The following KCNK13 variants were observed in gnomAD, a reference collection of about 807,000 sequenced individuals.
KCNK13 encodes the protein potassium channel subfamily K member 13.
A neutral mutation model predicts 23.4 loss-of-function variants in KCNK13; 12 were observed. The observed-to-expected ratio is 0.51, with a 90% CI of 0.33 to 0.83. KCNK13 has a LOEUF of 0.83. KCNK13 is among the 40% of genes least tolerant of loss of function. The pLI is 0.02. For synonymous variants in KCNK13, 231 were observed against 229.5 expected, an observed-to-expected ratio of 1.01 and a Z score of -0.06; for missense variants, 463 against 556.3, an observed-to-expected ratio of 0.83 and a Z score of 1.69.
At chr14:90,107,495 T>C (rs1889560428) in intron 1 of KCNK13, among the ~76,000 whole-genome samples, 1 of 152,180 alleles carries the variant, frequency 6.6e-6, no homozygotes, top group African/African-American at 2.4e-5. Flanking sequence ...TATATATATA[T>C]ACATGTTGAG....
intron 1 of KCNK13, among the ~76,000 whole-genome samples, chr14:90,076,443 G>T (rs939146829): frequency 6.6e-6 from 1 of 152,184 alleles, no homozygotes. Context: ...GAGGTAAAAG[G>T]TGTGTGCCAG....
At chr14:90,064,661 C>T (rs1000270055) in intron 1 of KCNK13, among the ~76,000 whole-genome samples, 1 of 152,200 alleles carries the variant, frequency 6.6e-6, no homozygotes, top group Non-Finnish European at 1.5e-5. Flanking sequence ...GCCCCCTGCT[C>T]CCTCCGTCTG....
chr14:90,138,281 A>G (rs1426425057), intron 1 of KCNK13, among the ~76,000 whole-genome samples: 1 of 152,226 alleles, frequency 6.6e-6, no homozygotes, highest in Non-Finnish European at 1.5e-5. Flanking sequence ...TACTCCCCCA[A>G]AATAACTACT....
chr14:90,184,766 CG>C lies in KCNK13; in HGVS notation c.994del (p.Val332TrpfsTer15). On this transcript the variant is annotated frameshift_variant, in exon 2 of 2. Transcript: ENST00000282146. LOFTEE classifies it high-confidence loss of function. The surrounding 1 kb of genome is among the most constrained non-coding windows in gnomAD (Gnocchi z 5.6). ...GCTGCAACATCTCCATAGAGACAGACGGGGTGGCAGAGAGTGACACGGACGG... is the reference window on the plus strand; with the variant it reads ...GCTGCAACATCTCCATAGAGACAGACGGGTGGCAGAGAGTGACACGGACGG... ...NRCNISIETDGVAESDTDGRR... is the reference protein window; with the variant it reads ...NRCNISIETDXVAESDTDGRR... 6.2e-7 allele frequency: 1 copy of C among 1,613,608 alleles called. No homozygotes were observed. The highest frequency in any genetic ancestry group is 8.5e-7 in the Non-Finnish European group (1 of 1,179,578).
At chr14:90,098,527 C>T (rs760611465) in intron 1 of KCNK13, among the ~76,000 whole-genome samples, 3 of 150,900 alleles carry the variant, frequency 2.0e-5, no homozygotes, top group Non-Finnish European at 4.4e-5. Flanking sequence ...GGCGGATCAC[C>T]TGAGGTCAGC....
intron 1 of KCNK13, among the ~76,000 whole-genome samples, chr14:90,112,184 G>T (rs1163663547): frequency 6.6e-6 from 1 of 152,164 alleles, no homozygotes; most frequent in Non-Finnish European, 1.5e-5. Flanking sequence ...ACCGTCCTGC[G>T]TATCTCTAGC....
intron 1 of KCNK13, among the ~76,000 whole-genome samples, chr14:90,166,744 A>G (rs1272293095): frequency 6.6e-6 from 1 of 151,786 alleles, no homozygotes; most frequent in African/African-American, 2.4e-5. Flanking sequence ...TTATTTGGGT[A>G]GACTGTGGGT....
intron 1 of KCNK13, among the ~76,000 whole-genome samples, chr14:90,176,701 T>A (rs896632956): frequency 4.6e-5 from 7 of 152,254 alleles, no homozygotes; most frequent in Admixed American, 3.3e-4. Context: ...GAAAACCTGC[T>A]GAGAAACATA....
intron 1 of KCNK13, among the ~76,000 whole-genome samples, chr14:90,083,839 T>G (rs1274414291): frequency 6.6e-6 from 1 of 152,258 alleles, no homozygotes; most frequent in African/African-American, 2.4e-5. Context: ...TTAATTCTTT[T>G]GCATGTGGAT....
intron 1 of KCNK13, among the ~76,000 whole-genome samples, chr14:90,156,156 G>A (rs1364530629): frequency 1.4e-5 from 2 of 148,078 alleles, no homozygotes; most frequent in Non-Finnish European, 3.0e-5. Flanking sequence ...AGTGAGCCAC[G>A]TTCGTGCCAC....
intron 1 of KCNK13, among the ~76,000 whole-genome samples, chr14:90,070,256 A>G (rs1469814333): frequency 1.3e-5 from 2 of 152,228 alleles, no homozygotes; most frequent in African/African-American, 4.8e-5. Context: ...ATTGCTTTCT[A>G]TATAACCATT....
intron 1 of KCNK13, among the ~76,000 whole-genome samples, chr14:90,174,870 TA>T (rs1481816987): frequency 6.6e-6 from 1 of 151,556 alleles, no homozygotes. Context: ...ATTAAATAAA[TA>T]AATAAATAAT....
intron 1 of KCNK13, among the ~76,000 whole-genome samples, chr14:90,176,234 A>G (rs1890420848): frequency 2.6e-5 from 4 of 152,162 alleles, no homozygotes; most frequent in African/African-American, 7.2e-5. Context: ...ACCTGTGAAG[A>G]TTGCCTGGCT....
chr14:90,116,588 T>C (rs969923914), intron 1 of KCNK13, among the ~76,000 whole-genome samples: 7 of 152,114 alleles, frequency 4.6e-5, no homozygotes, highest in African/African-American at 1.7e-4. Context: ...CCATGGATGC[T>C]TTGGGAAAGG....
At chr14:90,114,651 T>C (rs932730567) in intron 1 of KCNK13, among the ~76,000 whole-genome samples, 8 of 152,190 alleles carry the variant, frequency 5.3e-5, no homozygotes, top group African/African-American at 1.9e-4. Context: ...CCAATCTTTT[T>C]TCATGTATGT....
intron 1 of KCNK13, among the ~76,000 whole-genome samples, chr14:90,066,610 G>A (rs1889012639): frequency 6.6e-6 from 1 of 152,172 alleles, no homozygotes; most frequent in Admixed American, 6.5e-5. Context: ...GGGATTATAT[G>A]TAGGAGACAT....
chr14:90,086,564 G>A (rs1168630244), intron 1 of KCNK13, among the ~76,000 whole-genome samples: 2 of 152,148 alleles, frequency 1.3e-5, no homozygotes, highest in Non-Finnish European at 2.9e-5. Flanking sequence ...TGTTTTATTT[G>A]ATGTTACTGA....
chr14:90,070,617 C>G (rs2140388778), intron 1 of KCNK13, among the ~76,000 whole-genome samples: 1 of 152,242 alleles, frequency 6.6e-6, no homozygotes, highest in East Asian at 1.9e-4. Context: ...CAGTCCTTTC[C>G]TTGTGCTTTC....
chr14:90,095,056 T>C (rs1212023559), intron 1 of KCNK13, among the ~76,000 whole-genome samples: 3 of 152,238 alleles, frequency 2.0e-5, no homozygotes, highest in Non-Finnish European at 2.9e-5. Flanking sequence ...ATGGATTACG[T>C]GTTATCCCAC....
Sources: gnomAD v4.1 joint callset for allele counts (sites outside exome capture counted in the v4.1 genomes callset) on GRCh38, gnomAD v4.1.1 for gene constraint, Gnocchi (gnomAD v3.1) non-coding constraint, MANE v1.5 for transcripts, NCBI Gene and HGNC (gene_info 2026-07-23, HGNC 2026-07-21) for gene names.